Variants in ETV6 observed in about 807,000 individuals in gnomAD.
The protein encoded by ETV6 is transcription factor ETV6.
Under a neutral mutation model 51.1 loss-of-function variants are expected in ETV6, and 16 were observed. The observed-to-expected ratio is 0.31, with a 90% confidence interval of 0.21 to 0.48. The LOEUF (loss-of-function observed/expected upper bound fraction) is 0.48. Ranked by LOEUF, ETV6 falls within the 20% of genes least tolerant of loss-of-function variation. The probability of loss-of-function intolerance (pLI) is 0.99; values close to 1 mark genes in which losing one functional copy is unlikely to be tolerated. For missense variants in ETV6, 458 were observed against 594.8 expected, an observed-to-expected ratio of 0.77 and a Z score of 2.39; for synonymous variants, 240 against 224.1, an observed-to-expected ratio of 1.07 and a Z score of -0.64.
At chr12:11,829,020 C>T (rs1485088921) in intron 2 of ETV6, among the ~76,000 whole-genome samples, 1 of 152,078 alleles carries the variant, frequency 6.6e-6, no homozygotes. Flanking sequence ...TTCCTCCAAC[C>T]TCTCCCTGAT....
intron 2 of ETV6, among the ~76,000 whole-genome samples, chr12:11,790,172 A>T (rs192149012): frequency 2.0e-5 from 3 of 150,696 alleles, no homozygotes; most frequent in Admixed American, 6.6e-5. Flanking sequence ...TCTTCATTAT[A>T]GCATCTTGTT....
intron 7 of ETV6, among the ~76,000 whole-genome samples, chr12:11,888,902 GA>G (rs988893648): frequency 6.6e-6 from 1 of 152,152 alleles, no homozygotes; most frequent in Non-Finnish European, 1.5e-5. Flanking sequence ...CTTGGGACCA[GA>G]AGTGTTTCCA....
Position 11,873,905 on chromosome 12 carries a change from T to G in ETV6, c.1009+3936T>G, listed in dbSNP as rs747764633. 8.0e-5 allele frequency among the ~76,000 whole-genome samples: 9 copies of G among 112,262 alleles called. 3 individuals carry two copies. The highest frequency in any genetic ancestry group is 1.3e-4 in the Non-Finnish European group (7 of 55,266). The allele number at this position is 112,262 out of a possible 152,430, so 73.6% of individuals were successfully genotyped here. A position where few individuals can be genotyped will look rare whatever the true frequency, so the allele number is the denominator to read the frequency against. On this transcript the variant is annotated intron_variant, in intron 5 of 7. Coordinates refer to ENST00000396373, the MANE Select transcript of ETV6 (RefSeq NM_001987.5). The stretch of plus-strand genomic sequence containing the variant: ...GCAAGCTACATGGAGGGCTGGCTTT[T>G]AGCTGGGCTTGGATGAATGCTTAGA...
intron 1 of ETV6, among the ~76,000 whole-genome samples, chr12:11,722,277 T>C (rs949195229): frequency 6.6e-6 from 1 of 152,206 alleles, no homozygotes. Flanking sequence ...GTATCTTCAG[T>C]AGAGGTGCTA....
chr12:11,745,391 C>G (rs1393351516), intron 1 of ETV6, among the ~76,000 whole-genome samples: 1 of 152,234 alleles, frequency 6.6e-6, no homozygotes, highest in Non-Finnish European at 1.5e-5. Context: ...AAAGGCCTTC[C>G]TTCTAGTGCA....
intron 1 of ETV6, among the ~76,000 whole-genome samples, chr12:11,672,100 G>T (rs562602027): frequency 2.6e-5 from 4 of 151,944 alleles, no homozygotes; most frequent in African/African-American, 9.7e-5. Flanking sequence ...ACTCCAGTGG[G>T]GTGTTTCCAG....
chr12:11,801,801 T>A (rs1169495912), intron 2 of ETV6, among the ~76,000 whole-genome samples: 1 of 152,182 alleles, frequency 6.6e-6, no homozygotes, highest in Non-Finnish European at 1.5e-5. Context: ...CACTGCAAGT[T>A]CAGGCAGGCC....
intron 2 of ETV6, among the ~76,000 whole-genome samples, chr12:11,807,803 T>G (rs530641967): frequency 5.4e-4 from 82 of 152,334 alleles, no homozygotes; most frequent in African/African-American, 1.8e-3. Context: ...CTGACAAATT[T>G]TATTTCCTTT....
chr12:11,724,857 A>T (rs975847563), intron 1 of ETV6, among the ~76,000 whole-genome samples: 3 of 152,218 alleles, frequency 2.0e-5, no homozygotes, highest in Non-Finnish European at 4.4e-5. Context: ...TCCTGTATTA[A>T]CATGAAATCG....
At position 11,859,118 on chromosome 12, in the gene ETV6, GGTTTTTTTTTTTTTTTTTTTTTTT is replaced by G. The variant is rs1402470542; in HGVS notation, c.463+5558_463+5581del. Among the ~76,000 whole-genome samples the G allele has an allele frequency of 1.9e-4, 8 of 41,794 alleles. 1 individual carries two copies. Among genetic ancestry groups the G allele is most frequent in the Admixed American group, 6.2e-4 (2 of 3,220 alleles). 27.4% of individuals were successfully genotyped at this position (41,794 alleles called of 152,430 possible). Reference sequence around the variant, plus strand: ...TAAAGAAGATGAGGTATATGAATCTGGTTTTTTTTTTTTTTTTTTTTTTTTTTTTTTTTTTTTTTTTGAGAAGGA... The same window carrying G: ...TAAAGAAGATGAGGTATATGAATCTGTTTTTTTTTTTTTTTTTGAGAAGGA... On this transcript the variant is annotated intron_variant, in intron 4 of 7. Coordinates refer to ENST00000396373, the MANE Select transcript of ETV6 (RefSeq NM_001987.5).
chr12:11,785,712 A>G (rs941994989), intron 2 of ETV6, among the ~76,000 whole-genome samples: 35 of 152,226 alleles, frequency 2.3e-4, no homozygotes, highest in African/African-American at 8.0e-4. Context: ...AACAAGCTTC[A>G]CATATCTTCC....
chr12:11,676,620 T>C (rs1035026497), intron 1 of ETV6, among the ~76,000 whole-genome samples: 1 of 152,240 alleles, frequency 6.6e-6, no homozygotes, highest in Non-Finnish European at 1.5e-5. Flanking sequence ...TGGGGTCTTT[T>C]CTTGAACTCC....
At chr12:11,820,674 G>C (rs144817902) in intron 2 of ETV6, among the ~76,000 whole-genome samples, 3 of 152,132 alleles carry the variant, frequency 2.0e-5, no homozygotes, top group African/African-American at 7.2e-5. Context: ...ATGAAGGAGG[G>C]AAAGGATGAT....
At chr12:11,707,524 G>A (rs577987655) in intron 1 of ETV6, among the ~76,000 whole-genome samples, 32 of 152,220 alleles carry the variant, frequency 2.1e-4, no homozygotes, top group African/African-American at 5.8e-4. Flanking sequence ...ATCATGGGGC[G>A]TTTTTTTCTA....
At chr12:11,763,528 T>G (rs1036121712) in intron 2 of ETV6, among the ~76,000 whole-genome samples, 3 of 152,236 alleles carry the variant, frequency 2.0e-5, no homozygotes, top group Non-Finnish European at 4.4e-5. Flanking sequence ...TTGTCTCTGA[T>G]CAAATAGATT....
At chr12:11,833,505 A>G (rs959448355) in intron 2 of ETV6, among the ~76,000 whole-genome samples, 1 of 152,216 alleles carries the variant, frequency 6.6e-6, no homozygotes, top group African/African-American at 2.4e-5. Flanking sequence ...TTAATTTGAT[A>G]TCCTGCCAAA....
chr12:11,731,408 T>C (rs542771123), intron 1 of ETV6, among the ~76,000 whole-genome samples: 2 of 152,360 alleles, frequency 1.3e-5, no homozygotes, highest in Admixed American at 6.5e-5. Context: ...GAATGCAGGA[T>C]GCTTATGGAG....
chr12:11,707,535 A>T (rs1387953760), intron 1 of ETV6, among the ~76,000 whole-genome samples: 1 of 152,148 alleles, frequency 6.6e-6, no homozygotes, highest in Non-Finnish European at 1.5e-5. Flanking sequence ...TTTTTTTCTA[A>T]ATGTGAGAAA....
chr12:11,750,242 G>A (rs766878554), intron 1 of ETV6, among the ~76,000 whole-genome samples: 4 of 152,232 alleles, frequency 2.6e-5, no homozygotes, highest in African/African-American at 4.8e-5. Flanking sequence ...AAGGTCCAAA[G>A]CAATGATAAT....
Sources: allele counts gnomAD v4.1 joint callset (sites outside exome capture counted in the v4.1 genomes callset), GRCh38; gene constraint gnomAD v4.1.1; transcripts MANE v1.5; gene names NCBI Gene and HGNC (gene_info 2026-07-23, HGNC 2026-07-21).